WDR25: variants seen among roughly 807,000 people sequenced by gnomAD.
WDR25 encodes the protein WD repeat domain 25.
A neutral mutation model predicts 47.7 loss-of-function variants in WDR25; 35 were observed. That is an observed-to-expected ratio of 0.73 (90% CI 0.56 to 0.97). The LOEUF is 0.97. Ranked by LOEUF, WDR25 falls within the 50% of genes least tolerant of loss-of-function variation. The probability of loss-of-function intolerance (pLI) is 0.00; values close to 1 mark genes in which losing one functional copy is unlikely to be tolerated. For synonymous variants in WDR25, 248 were observed against 278.9 expected (o/e 0.89, Z 1.10); for missense variants, 634 against 704.7 (o/e 0.90, Z 1.14).
intron 4 of WDR25, among the ~76,000 whole-genome samples, chr14:100,493,228 G>A (rs1004973856): frequency 6.6e-6 from 1 of 152,080 alleles, no homozygotes; most frequent in Admixed American, 6.6e-5. Context: ...CACAGCAGTC[G>A]GTTGAGAACA....
At chr14:100,377,836 G>A (rs1241335761) in intron 1 of WDR25, among the ~76,000 whole-genome samples, 1 of 152,228 alleles carries the variant, frequency 6.6e-6, no homozygotes, top group South Asian at 2.1e-4. Flanking sequence ...TCTAGAAGAA[G>A]AGATGGGTAA....
chr14:100,400,115 G>C (rs2140169217), intron 2 of WDR25, among the ~76,000 whole-genome samples: 1 of 152,324 alleles, frequency 6.6e-6, no homozygotes, highest in African/African-American at 2.4e-5. Context: ...TGAGACATGG[G>C]GTCAGGTGCT....
intron 4 of WDR25, among the ~76,000 whole-genome samples, chr14:100,522,510 A>G (rs1161076918): frequency 1.3e-5 from 2 of 152,180 alleles, no homozygotes; most frequent in African/African-American, 4.8e-5. Flanking sequence ...GCATCTTGGC[A>G]CTGGAAGAAG....
At position 100,424,006 on chromosome 14, in the gene WDR25, T is replaced by A. The variant is rs1898099126; in HGVS notation, c.822+42260T>A. Among the ~76,000 whole-genome samples the A allele has an allele frequency of 6.6e-6, 1 of 152,232 alleles. No homozygotes were observed. The highest frequency in any genetic ancestry group is 1.9e-4 in the East Asian group (1 of 5,204). On this transcript the variant is annotated intron_variant, in intron 2 of 6. Transcript: ENST00000402312. This position sits in a 1 kb window ranked among gnomAD's most constrained non-coding sequence, Gnocchi z 4.2. ...CTGCCCAGGATGGGCTTGGTGCTGG[T>A]CCCAGGGAGGCAGATGACACGTGTT...
At position 100,381,145 on chromosome 14, in the gene WDR25, G is replaced by A; in HGVS notation, c.221G>A (p.Gly74Glu). Residue 74 changes from glycine to glutamate, a missense_variant, in exon 2 of 7, where the codon GGG becomes GAG. Coordinates refer to ENST00000402312, the MANE Select transcript of WDR25 (RefSeq NM_001161476.3). ...AAGCATGGCTCCTGTGAAGACCCAG[G>A]GGGCTATCGCCTTCCATTGGCTCAG... ...PTKHGSCEDP[G>E]GYRLPLAQLG... is the part of the protein sequence containing the mutation. 6.2e-7 allele frequency: 1 copy of A among 1,614,226 alleles called. No individual in the cohort carries two copies. The highest frequency in any genetic ancestry group is 2.2e-5 in the East Asian group (1 of 44,878).
rs80189426 is a variant in WDR25, at chr14:100,425,640, A to G, written c.823-42381A>G. ...ATGGTGGGGGCTGGGCCCTGTGCTG[A>G]CACAGGCTCAGCAGGCTGTTAATGA... On this transcript the variant is annotated intron_variant, in intron 2 of 6. Transcript: ENST00000402312. This position sits in a 1 kb window ranked among gnomAD's most constrained non-coding sequence, Gnocchi z 4.8. 1.4e-3 allele frequency among the ~76,000 whole-genome samples: 209 copies of G among 152,342 alleles called. No individual in the cohort carries two copies. The highest frequency in any genetic ancestry group is 4.9e-3 in the African/African-American group (204 of 41,580).
At chr14:100,385,492 A>T (rs963368305) in intron 2 of WDR25, among the ~76,000 whole-genome samples, 2 of 152,236 alleles carry the variant, frequency 1.3e-5, no homozygotes, top group Non-Finnish European at 2.9e-5. Context: ...GTTCCTTCAT[A>T]TCCTTAAAAC....
chr14:100,467,985 G>T, intron 2 of WDR25, 36 bp from the exon 3 acceptor site: 1 of 1,610,608 alleles, frequency 6.2e-7, no homozygotes. Flanking sequence ...TCAGGCCCTT[G>T]TTGTGACACC....
intron 1 of WDR25, among the ~76,000 whole-genome samples, chr14:100,379,175 C>T (rs1896808478): frequency 6.6e-6 from 1 of 152,064 alleles, no homozygotes; most frequent in Non-Finnish European, 1.5e-5. Context: ...AGCAGTGCGG[C>T]AGGTTTTCTT....
intron 4 of WDR25, among the ~76,000 whole-genome samples, chr14:100,507,282 A>G (rs1157192587): frequency 6.6e-6 from 1 of 152,154 alleles, no homozygotes; most frequent in Non-Finnish European, 1.5e-5. Context: ...TTTGTACAGT[A>G]CTATGTTGTT....
chr14:100,443,023 C>A (rs1171966011), intron 2 of WDR25, among the ~76,000 whole-genome samples: 1 of 152,210 alleles, frequency 6.6e-6, no homozygotes, highest in African/African-American at 2.4e-5. Context: ...GCTCGGCAGG[C>A]CCCAGGCGCT....
rs1238417250 is a variant in WDR25, at chr14:100,525,539, A to G, written c.1102-331A>G. Among the ~76,000 whole-genome samples, 8 of 152,168 alleles carry G rather than the reference A, an allele frequency of 5.3e-5. No homozygotes were observed. The highest frequency in any genetic ancestry group is 2.1e-4 in the South Asian group (1 of 4,830). On this transcript the variant is annotated intron_variant, in intron 4 of 6. Coordinates refer to ENST00000402312, the MANE Select transcript of WDR25 (RefSeq NM_001161476.3). The surrounding 1 kb of genome is among the most constrained non-coding windows in gnomAD (Gnocchi z 4.6). ...ATGACCCCAGTGTTGATGGATGTCA[A>G]TATGCTCTCGAGGTGCCCTTGGCGA...
chr14:100,418,728 G>A (rs902351882), intron 2 of WDR25, among the ~76,000 whole-genome samples: 52 of 152,036 alleles, frequency 3.4e-4, no homozygotes, highest in African/African-American at 1.2e-3. Context: ...GCTAAGGTGA[G>A]TTTATGGGAC....
chr14:100,477,090 C>T (rs1251866218), intron 3 of WDR25, among the ~76,000 whole-genome samples: 1 of 152,114 alleles, frequency 6.6e-6, no homozygotes, highest in Non-Finnish European at 1.5e-5. Context: ...GGTGCTGCCC[C>T]GGCCACATGG....
chr14:100,503,752 G>A (rs980896130), intron 4 of WDR25: 2 of 152,306 alleles, frequency 1.3e-5, no homozygotes, highest in African/African-American at 4.8e-5. Context: ...GCGGGGTTGG[G>A]TTCTGGACAG....
chr14:100,394,124 G>A (rs761682185), intron 2 of WDR25, among the ~76,000 whole-genome samples: 4 of 152,216 alleles, frequency 2.6e-5, no homozygotes, highest in Admixed American at 6.5e-5. Context: ...TTCTGTGATT[G>A]CCTCCTAAGC....
rs1900950184 is a variant in WDR25, at chr14:100,502,279, C to T, written c.1101+18155C>T. Among the ~76,000 whole-genome samples, 1 of 152,200 alleles carries T rather than the reference C, an allele frequency of 6.6e-6. No individual in the cohort carries two copies. Among genetic ancestry groups the T allele is most frequent in the African/African-American group, 2.4e-5 (1 of 41,466 alleles). ...CATTGTCCGAGGGACAGTTTCATAA[C>T]TTCCCTGCTTAAGGGGAAAGGCCTT... On this transcript the variant is annotated intron_variant, in intron 4 of 6. Coordinates refer to ENST00000402312, the MANE Select transcript of WDR25 (RefSeq NM_001161476.3). The surrounding 1 kb of genome is among the most constrained non-coding windows in gnomAD (Gnocchi z 4.5).
chr14:100,382,428 G>T (rs1896926654), intron 2 of WDR25, among the ~76,000 whole-genome samples: 1 of 152,200 alleles, frequency 6.6e-6, no homozygotes, highest in African/African-American at 2.4e-5. Context: ...CTGGGAGCTG[G>T]CTTCAAGCAT....
In WDR25 at chr14:100,484,087, G is replaced by T; in HGVS notation, c.1064G>T (p.Ser355Ile). The T allele has an allele frequency of 6.2e-7, 1 of 1,613,864 alleles. No homozygotes were observed. Among genetic ancestry groups the T allele is most frequent in the South Asian group, 1.1e-5 (1 of 90,974 alleles). ...AACATCTTTTTATGTGGAGGCTTCA[G>T]CTCTGAAATGAAAGCTTGGGATATA... ...DHNIFLCGGF[S>I]SEMKAWDIRT... The change falls in exon 4 of 7, where the codon AGC (serine) becomes ATC (isoleucine). Residue 355 changes from serine to isoleucine, a missense_variant. Coordinates refer to ENST00000402312, the MANE Select transcript of WDR25 (RefSeq NM_001161476.3).
Sources: allele counts gnomAD v4.1 joint callset (sites outside exome capture counted in the v4.1 genomes callset), GRCh38; gene constraint gnomAD v4.1.1; non-coding constraint Gnocchi (gnomAD v3.1); transcripts MANE v1.5; gene names NCBI Gene and HGNC (gene_info 2026-07-23, HGNC 2026-07-21).